Variants in ACCS observed in about 807,000 individuals in gnomAD.
ACCS encodes 1-aminocyclopropane-1-carboxylate synthase-like protein 1.
In ACCS, 42 loss-of-function variants were observed where a neutral mutation model predicts 59.8. The observed-to-expected ratio is 0.70, with a 90% CI of 0.55 to 0.91. The LOEUF is 0.91. Among genes scored for constraint, ACCS ranks in the 40% least tolerant of loss-of-function variants. The probability of loss-of-function intolerance (pLI) is 0.00; values close to 1 mark genes in which losing one functional copy is unlikely to be tolerated. For synonymous variants in ACCS, 230 were observed against 240.3 expected (o/e 0.96, Z 0.40); for missense variants, 602 against 630.4 (o/e 0.95, Z 0.48).
chr11:44,080,899 C>T (rs1953607701), intron 10 of ACCS, 121 bp from the exon 11 acceptor site: 1 of 1,285,340 alleles, frequency 7.8e-7, no homozygotes, highest in Non-Finnish European at 1.1e-6. Flanking sequence ...AGACATGAAA[C>T]CAGGGCTTGT....
At chr11:44,075,493 T>C in intron 5 of ACCS, 33 bp from the exon 6 acceptor site, 1 of 1,610,330 alleles carries the variant, frequency 6.2e-7, no homozygotes, top group Non-Finnish European at 8.5e-7. Context: ...CTGGAACTGG[T>C]TCATCTTCAT....
At position 44,075,593 on chromosome 11, in the gene ACCS, G is replaced by T. The variant is rs1033804635; in HGVS notation, c.556+1G>T. 5 of 1,613,960 alleles carry T rather than the reference G, an allele frequency of 3.1e-6. No homozygotes were observed. The highest frequency in any genetic ancestry group is 1.3e-5 in the African/African-American group (1 of 75,064). On this transcript the variant is annotated splice_donor_variant, in intron 6 of 14. Coordinates refer to ENST00000263776, the MANE Select transcript of ACCS (RefSeq NM_032592.4). LOFTEE classifies it high-confidence loss of function. ...GCCACGGTGCTGTGTGAGGCCGGGG[G>T]TAAGTGAGCTCTGTGGCCTGCCCCG...
At position 44,083,989 on chromosome 11, in the gene ACCS, C is replaced by T; in HGVS notation, c.*197C>T. On this transcript the variant is annotated 3_prime_UTR_variant, in exon 15 of 15. Transcript: ENST00000263776. ...AGCTGTGGTTCAGCCTGGGCCCTCC[C>T]TCTCTCCTATTAAACAAAACTAGGA... 1 of 1,229,766 alleles carries T rather than the reference C, an allele frequency of 8.1e-7. No individual in the cohort carries two copies. Among genetic ancestry groups the T allele is most frequent in the Non-Finnish European group, 1.1e-6 (1 of 916,376 alleles). The allele number at this position is 1,229,766 out of a possible 1,614,324, so 76.2% of individuals were successfully genotyped here.
chr11:44,077,192 G>A, intron 6 of ACCS, 87 bp from the exon 7 acceptor site: 1 of 1,432,542 alleles, frequency 7.0e-7, no homozygotes, highest in Non-Finnish European at 9.5e-7. Flanking sequence ...GAAGTTAAAG[G>A]CTTGGAGAGG....
intron 3 of ACCS, chr11:44,072,378 G>C (rs947505593): frequency 1.3e-5 from 2 of 151,794 alleles, no homozygotes; most frequent in African/African-American, 4.8e-5. Context: ...GGCTGGTCTC[G>C]AACTCCTGAC....
intron 7 of ACCS, 83 bp from the exon 8 acceptor site, chr11:44,077,762 A>G: frequency 6.5e-7 from 1 of 1,539,000 alleles, no homozygotes; most frequent in Non-Finnish European, 8.8e-7. Context: ...ATTACAGGGG[A>G]GGAGAGGCCT....
At position 44,083,416 on chromosome 11, in the gene ACCS, C is replaced by A; in HGVS notation, c.1255-8C>A. ...CAGCTATGTCCTGAGCCCCTTCCAC[C>A]CTCTCAGTACCTGCCCAAGGGCACC... On this transcript the variant is annotated splice_polypyrimidine_tract_variant and splice_region_variant and intron_variant, in intron 13 of 14. Coordinates refer to ENST00000263776, the MANE Select transcript of ACCS (RefSeq NM_032592.4). 1 of 1,614,080 alleles carries A rather than the reference C, an allele frequency of 6.2e-7. No individual in the cohort carries two copies.
intron 10 of ACCS, 90 bp from the exon 11 acceptor site, chr11:44,080,929 TC>T (rs1953608663): frequency 6.6e-7 from 1 of 1,518,928 alleles, no homozygotes; most frequent in Non-Finnish European, 9.1e-7. Flanking sequence ...AAAACTAGAT[TC>T]AACCACCCAT....
Position 44,079,563 on chromosome 11 carries a change from A to T in ACCS, c.866A>T (p.Tyr289Phe). Residue 289 changes from tyrosine (Y) to phenylalanine (F), a missense_variant, in exon 10 of 15, where the codon TAC (tyrosine) becomes TTC (phenylalanine). Physicochemically the swap from Tyr to Phe is conservative, Grantham distance 22 (BLOSUM62 3). Coordinates refer to ENST00000263776, the MANE Select transcript of ACCS (RefSeq NM_032592.4). The part of the protein sequence containing the change: ...HRLHVIVDEV[Y>F]MLSVFEKSVG... ...CTGCATGTGATTGTGGATGAGGTCTACATGCTGTCCGTGTTTGAGAAGTCT... is the reference window on the plus strand; with the variant it reads ...CTGCATGTGATTGTGGATGAGGTCTTCATGCTGTCCGTGTTTGAGAAGTCT... 1.9e-6 allele frequency: 3 copies of T among 1,612,182 alleles called. No individual in the cohort carries two copies. Among genetic ancestry groups the T allele is most frequent in the East Asian group, 2.2e-5 (1 of 44,874 alleles).
intron 6 of ACCS, chr11:44,075,877 A>G: frequency 2.7e-6 from 1 of 365,116 alleles, no homozygotes; most frequent in Non-Finnish European, 5.0e-6. Context: ...GTCTTAGAGC[A>G]GGAAGAAAGG....
Position 44,083,225 on chromosome 11 carries a change from A to G in ACCS, c.1168A>G (p.Thr390Ala), listed in dbSNP as rs1263399066. 6.2e-7 allele frequency: 1 copy of G among 1,614,062 alleles called. No individual in the cohort carries two copies. Among genetic ancestry groups the G allele is most frequent in the South Asian group, 1.1e-5 (1 of 91,072 alleles). Residue 390 changes from threonine (T) to alanine (A), a missense_variant, in exon 13 of 15, where the codon ACC (threonine) becomes GCC (alanine). Physicochemically the swap from Thr to Ala is moderately conservative, Grantham distance 58. Transcript: ENST00000263776. Reference protein sequence around the residue: ...ENHARLKAAHTYVSEELRALG... With the variant: ...ENHARLKAAHAYVSEELRALG... The stretch of plus-strand genomic sequence containing the variant: ...CCATGCCCGGCTCAAGGCTGCCCAC[A>G]CCTATGTCTCAGAAGAGCTTAGGGC...
chr11:44,079,364 C>G (rs1953530196), intron 9 of ACCS, 167 bp from the exon 10 acceptor site: 1 of 607,470 alleles, frequency 1.6e-6, no homozygotes, highest in South Asian at 2.0e-5. Flanking sequence ...GTGTGGCTTT[C>G]TGTTTGAAAA....
At chr11:44,078,814 G>A in intron 9 of ACCS, 30 bp downstream of exon 9, 1 of 1,594,950 alleles carries the variant, frequency 6.3e-7, no homozygotes. Context: ...CCCCGACAGA[G>A]CGTCTGGGCA....
At chr11:44,079,419 C>A in intron 9 of ACCS, 112 bp from the exon 10 acceptor site, 1 of 812,780 alleles carries the variant, frequency 1.2e-6, no homozygotes, top group South Asian at 1.7e-5. Flanking sequence ...AGTTTGGTAA[C>A]CCCGGGCTAG....
Position 44,078,783 on chromosome 11 carries a change from A to G in ACCS, c.832A>G (p.Arg278Gly). Residue 278 changes from arginine to glycine, a missense_variant and splice_region_variant, in exon 9 of 15, where the codon AGG becomes GGG. Physicochemically the swap from Arg to Gly is moderately radical, Grantham distance 125. Coordinates refer to ENST00000263776, the MANE Select transcript of ACCS (RefSeq NM_032592.4). ...ELQEYLVFAK[R>G]HRLHVIVDEV... ...ACAGGAGTACCTGGTATTTGCCAAGAGGTGAGGCACCCCACACTGGCCCCG... is the reference window on the plus strand; with the variant it reads ...ACAGGAGTACCTGGTATTTGCCAAGGGGTGAGGCACCCCACACTGGCCCCG... 4.3e-6 allele frequency: 7 copies of G among 1,613,784 alleles called. No homozygotes were observed. The highest frequency in any genetic ancestry group is 5.9e-6 in the Non-Finnish European group (7 of 1,179,828).
intron 11 of ACCS, 24 bp from the exon 12 acceptor site, chr11:44,081,155 C>T (rs532062236): frequency 1.1e-5 from 17 of 1,614,140 alleles, no homozygotes; most frequent in African/African-American, 2.7e-5. Context: ...GGCTGGCCAC[C>T]GCCTAGGGTG....
intron 3 of ACCS, 81 bp from the exon 4 acceptor site, chr11:44,073,366 C>T (rs184393572): frequency 4.0e-5 from 45 of 1,126,300 alleles, no homozygotes; most frequent in Non-Finnish European, 5.5e-5. Context: ...GCAGAACAAG[C>T]GTTCAGCTTT....
intron 2 of ACCS, among the ~76,000 whole-genome samples, chr11:44,069,072 A>C (rs1021841631): frequency 6.6e-6 from 1 of 152,254 alleles, no homozygotes; most frequent in Non-Finnish European, 1.5e-5. Context: ...ACATTTGAGC[A>C]GAAACCTGGA....
intron 4 of ACCS, 23 bp from the exon 5 acceptor site, chr11:44,074,589 C>G (rs1244374073): frequency 6.2e-7 from 1 of 1,609,168 alleles, no homozygotes; most frequent in Middle Eastern, 1.6e-4. Context: ...CTGGCAAGCA[C>G]TGTCTTTTTG....
Sources: allele counts gnomAD v4.1 joint callset (sites outside exome capture counted in the v4.1 genomes callset), GRCh38; gene constraint gnomAD v4.1.1; transcripts MANE v1.5; gene names NCBI Gene and HGNC (gene_info 2026-07-23, HGNC 2026-07-21).